The following PDE4D variants were observed in gnomAD, a reference collection of about 807,000 sequenced individuals.
PDE4D encodes the protein phosphodiesterase 4D.
A neutral mutation model predicts 87.4 loss-of-function variants in PDE4D; 24 were observed. The observed-to-expected ratio is 0.27, with a 90% CI of 0.20 to 0.39. The LOEUF is 0.39. PDE4D is among the 10% of genes least tolerant of loss of function. PDE4D has a pLI of 1.00. For synonymous variants in PDE4D, 384 were observed against 383.2 expected (o/e 1.00, Z -0.02); for missense variants, 714 against 1,041.0 (o/e 0.69, Z 4.32).
chr5:59,462,619 C>A (rs116318008), intron 1 of PDE4D, among the ~76,000 whole-genome samples: 3 of 152,090 alleles, frequency 2.0e-5, no homozygotes, highest in African/African-American at 7.2e-5. Flanking sequence ...AGATGGAGGG[C>A]CCTTGCAGGT....
chr5:60,193,272 A>T (rs1785341109), intron 1 of PDE4D, among the ~76,000 whole-genome samples: 1 of 152,180 alleles, frequency 6.6e-6, no homozygotes, highest in South Asian at 2.1e-4. Flanking sequence ...TAAACAACTG[A>T]ATCAGCAAGC....
intron 1 of PDE4D, among the ~76,000 whole-genome samples, chr5:59,512,216 T>C (rs1264654940): frequency 6.6e-6 from 1 of 152,186 alleles, no homozygotes; most frequent in Non-Finnish European, 1.5e-5. Context: ...AAAATATTCA[T>C]AGACTACACC....
intron 1 of PDE4D, among the ~76,000 whole-genome samples, chr5:59,240,448 T>G (rs2153522106): frequency 6.6e-6 from 1 of 152,296 alleles, no homozygotes; most frequent in African/African-American, 2.4e-5. Flanking sequence ...CTCACCCACT[T>G]ATTTTCCTTC....
intron 1 of PDE4D, among the ~76,000 whole-genome samples, chr5:60,423,880 A>G (rs1265394050): frequency 6.6e-6 from 1 of 152,234 alleles, no homozygotes; most frequent in East Asian, 1.9e-4. Context: ...ACAGAAATAC[A>G]AACTACCATC....
chr5:60,228,723 C>CA (rs1313174182), intron 1 of PDE4D, among the ~76,000 whole-genome samples: 1 of 150,804 alleles, frequency 6.6e-6, no homozygotes, highest in Non-Finnish European at 1.5e-5. Context: ...CCAAAAAAAA[C>CA]AAAAAACAAA....
At chr5:60,196,306 T>A (rs904364998) in intron 1 of PDE4D, among the ~76,000 whole-genome samples, 1 of 151,658 alleles carries the variant, frequency 6.6e-6, no homozygotes, top group African/African-American at 2.4e-5. Context: ...TAAAATAATT[T>A]CAGCTCTCTA....
chr5:59,776,230 G>C (rs1454592307), intron 1 of PDE4D, among the ~76,000 whole-genome samples: 2 of 152,108 alleles, frequency 1.3e-5, no homozygotes, highest in African/African-American at 4.8e-5. Context: ...AGTTAGCAAA[G>C]TCACCTTCAA....
intron 1 of PDE4D, among the ~76,000 whole-genome samples, chr5:59,245,209 C>T (rs1052932927): frequency 2.6e-5 from 4 of 151,984 alleles, no homozygotes; most frequent in African/African-American, 9.7e-5. Context: ...TTAAATGCTG[C>T]AATTATGAGC....
Position 59,758,123 on chromosome 5 carries a change from G to A in PDE4D, c.455+135045C>T, listed in dbSNP as rs565710260. ...GGTAATGCTGAAAGAAAGAACACACGATGGAGAGTTAGGAAGACTTGGGTT... is the reference window on the plus strand; with the variant it reads ...GGTAATGCTGAAAGAAAGAACACACAATGGAGAGTTAGGAAGACTTGGGTT... On this transcript the variant is annotated intron_variant, in intron 1 of 14. Transcript: ENST00000340635. Among the ~76,000 whole-genome samples the A allele has an allele frequency of 3.6e-4, 55 of 152,170 alleles. 1 individual carries two copies. The highest frequency in any genetic ancestry group is 1.8e-4 in the Non-Finnish European group (12 of 68,012).
chr5:59,135,048 C>T (rs928795202), intron 5 of PDE4D, among the ~76,000 whole-genome samples: 4 of 152,086 alleles, frequency 2.6e-5, no homozygotes, highest in African/African-American at 9.7e-5. Flanking sequence ...CAATTCAGTG[C>T]GCACCAACAA....
intron 6 of PDE4D, chr5:58,999,541 G>T (rs1474946494): frequency 8.8e-6 from 13 of 1,483,158 alleles, no homozygotes; most frequent in Middle Eastern, 4.0e-4. Flanking sequence ...AGGCATTTTT[G>T]ATTGATTATA....
At chr5:59,602,736 C>T (rs1310567297) in intron 1 of PDE4D, among the ~76,000 whole-genome samples, 2 of 152,088 alleles carry the variant, frequency 1.3e-5, no homozygotes, top group African/African-American at 4.8e-5. Context: ...CCAACTCAAC[C>T]TTGAGCAAAA....
chr5:58,974,243 TTGACA>T lies in PDE4D; in HGVS notation c.*416_*420del, dbSNP rs1311660822. ...AACAGATTCGTGCTATGTCCTGTTC[TTGACA>T]TATTTGTTGCTTCGTCCATTAAGTT... On this transcript the variant is annotated 3_prime_UTR_variant, in exon 15 of 15. Coordinates refer to ENST00000340635, the MANE Select transcript of PDE4D (RefSeq NM_001104631.2). 1 of 155,158 alleles carries T rather than the reference TTGACA, an allele frequency of 6.4e-6. No individual in the cohort carries two copies. Among genetic ancestry groups the T allele is most frequent in the African/African-American group, 2.4e-5 (1 of 41,506 alleles). 9.6% of individuals were successfully genotyped at this position (155,158 alleles called of 1,614,324 possible).
At chr5:60,438,795 G>T (rs1353151267) in intron 1 of PDE4D, among the ~76,000 whole-genome samples, 3 of 152,146 alleles carry the variant, frequency 2.0e-5, no homozygotes, top group South Asian at 4.2e-4. Context: ...AAAGAAACAT[G>T]AATTAAAATT....
chr5:59,217,182 G>A (rs1331875209), intron 1 of PDE4D: 2 of 455,344 alleles, frequency 4.4e-6, no homozygotes, highest in South Asian at 1.6e-5. Context: ...TTAAAATAAA[G>A]TCAACTTTCA....
intron 1 of PDE4D, among the ~76,000 whole-genome samples, chr5:59,542,323 C>T (rs1407736338): frequency 1.3e-5 from 2 of 152,124 alleles, no homozygotes; most frequent in Admixed American, 6.5e-5. Flanking sequence ...GGTCATGCAG[C>T]ACCCAGTGAT....
At chr5:59,134,369 C>T (rs17778950) in intron 5 of PDE4D, among the ~76,000 whole-genome samples, 64,269 of 151,224 alleles carry the variant, frequency 0.42, 14,504 homozygotes, top group African/African-American at 0.57. Context: ...GGACAATGGG[C>T]CTTTGAGAAC....
chr5:59,503,048 C>T (rs1426255508), intron 1 of PDE4D, among the ~76,000 whole-genome samples: 1 of 151,730 alleles, frequency 6.6e-6, no homozygotes, highest in Non-Finnish European at 1.5e-5. Flanking sequence ...AGTGTATAGC[C>T]TTAGGTAAAG....
intron 1 of PDE4D, among the ~76,000 whole-genome samples, chr5:60,225,147 G>A (rs1744939592): frequency 6.6e-6 from 1 of 152,008 alleles, no homozygotes; most frequent in African/African-American, 2.4e-5. Flanking sequence ...GTGCAGGGCA[G>A]AGAACTTTTC....
Sources: gnomAD v4.1 joint callset for allele counts (sites outside exome capture counted in the v4.1 genomes callset) on GRCh38, gnomAD v4.1.1 for gene constraint, MANE v1.5 for transcripts, NCBI Gene and HGNC (gene_info 2026-07-23, HGNC 2026-07-21) for gene names.